The following CTH variants were observed in gnomAD, a reference collection of about 807,000 sequenced individuals.
The protein encoded by CTH is cystathionase (cystathionine gamma-lyase).
CTH carries 41 observed loss-of-function variants against 50.6 expected under a neutral mutation model. That is an observed-to-expected ratio of 0.81 (90% CI 0.63 to 1.05). The LOEUF (loss-of-function observed/expected upper bound fraction) is 1.05, where lower values mean the gene tolerates loss of function less well. Ranked by LOEUF, CTH falls within the 50% of genes least tolerant of loss-of-function variation. The pLI is 0.00. For synonymous variants in CTH, 156 were observed against 168.9 expected (o/e 0.92, Z 0.59); for missense variants, 470 against 492.6 (o/e 0.95, Z 0.43).
chr1:70,438,951 A>T, intron 11 of CTH, 125 bp downstream of exon 11: 1 of 1,586,104 alleles, frequency 6.3e-7, no homozygotes, highest in African/African-American at 1.3e-5. Context: ...CTGTTCCTGT[A>T]ATAGACCAGG....
rs367897197 is a variant in CTH, at chr1:70,439,094, A to G, written c.1192-7A>G. On this transcript the variant is annotated splice_polypyrimidine_tract_variant and splice_region_variant and intron_variant, in intron 11 of 11. Coordinates refer to ENST00000370938, the MANE Select transcript of CTH (RefSeq NM_001902.6). ...TAACATATTTTTCTTGTGCACTGTT[A>G]TTATAGCACCCTCCAAGTGGAAGTC... 2 of 1,611,580 alleles carry G rather than the reference A, an allele frequency of 1.2e-6. No individual in the cohort carries two copies. Among genetic ancestry groups the G allele is most frequent in the South Asian group, 1.1e-5 (1 of 91,042 alleles).
At chr1:70,436,663 C>G (rs1334930483) in intron 10 of CTH, among the ~76,000 whole-genome samples, 2 of 140,300 alleles carry the variant, frequency 1.4e-5, no homozygotes, top group Non-Finnish European at 3.2e-5. Context: ...GCAGTCTCAC[C>G]AAGTTAAAAA....
chr1:70,436,418 T>C lies in CTH; in HGVS notation c.1052+1241T>C, dbSNP rs779473482. Among the ~76,000 whole-genome samples, 111 of 152,194 alleles carry C rather than the reference T, an allele frequency of 7.3e-4. 2 individuals are homozygous for C. The highest frequency in any genetic ancestry group is 1.6e-4 in the Non-Finnish European group (11 of 68,034). On this transcript the variant is annotated intron_variant, in intron 10 of 11. Transcript: ENST00000370938. ...GCATTCCTGATATATATATTACCTT[T>C]ATTATATGCTACTATGACCATATGT...
intron 3 of CTH, among the ~76,000 whole-genome samples, chr1:70,420,903 T>C (rs1430188200): frequency 2.0e-5 from 3 of 152,154 alleles, no homozygotes; most frequent in Non-Finnish European, 4.4e-5. Flanking sequence ...CCATCAAAAG[T>C]CTAGTTTCTC....
chr1:70,414,689 C>A (rs1684048778), intron 1 of CTH, among the ~76,000 whole-genome samples: 1 of 152,174 alleles, frequency 6.6e-6, no homozygotes, highest in Admixed American at 6.5e-5. Flanking sequence ...CCTTGGTTCA[C>A]AATCCGGTTT....
In CTH at chr1:70,433,846, A is replaced by G. The variant is rs1441977263; in HGVS notation, c.896A>G (p.Gln299Arg). ...VIYPGLPSHP[Q>R]HELVKRQCTG... ...ATTACAGGGCTGCCCTCTCATCCAC[A>G]GCATGAGTTGGTGAAGCGTCAGTGT... The change falls in exon 9 of 12, where the codon CAG becomes CGG. Residue 299 changes from glutamine to arginine, a missense_variant. By Grantham distance (43) the Gln-to-Arg change is conservative. Transcript: ENST00000370938. 6.2e-7 allele frequency: 1 copy of G among 1,613,966 alleles called. No homozygotes were observed. The highest frequency in any genetic ancestry group is 2.2e-5 in the East Asian group (1 of 44,884).
chr1:70,421,470 G>A, intron 3 of CTH, 96 bp from the exon 4 acceptor site: 1 of 1,293,766 alleles, frequency 7.7e-7, no homozygotes, highest in South Asian at 1.2e-5. Context: ...TGGTGACTGA[G>A]AGTTCCATAT....
chr1:70,418,390 C>A (rs930872791), intron 3 of CTH, among the ~76,000 whole-genome samples: 3 of 152,106 alleles, frequency 2.0e-5, no homozygotes, highest in Admixed American at 1.3e-4. Context: ...GCTGGGACCC[C>A]AGGCGCATGC....
rs528285133 is a variant in CTH, at chr1:70,412,644, C to A, written c.168+1061C>A. ...AGAACACAAATCTTATAGTCAAAGG[C>A]TAGGTTTGCATTCTGACACCACTTC... On this transcript the variant is annotated intron_variant, in intron 1 of 11. Transcript: ENST00000370938. Among the ~76,000 whole-genome samples the A allele has an allele frequency of 1.3e-4, 20 of 152,190 alleles. No homozygotes were observed. The East Asian group carries it at 3.5e-3, about 26-fold the overall frequency.
At chr1:70,421,719 T>C (rs938072821) in intron 4 of CTH, 44 bp downstream of exon 4, 4 of 1,580,560 alleles carry the variant, frequency 2.5e-6, no homozygotes, top group Non-Finnish European at 3.5e-6. Flanking sequence ...TCCTTCGATG[T>C]TTTGTTTTCA....
At chr1:70,422,512 A>G (rs1437489899) in intron 4 of CTH, among the ~76,000 whole-genome samples, 5 of 152,208 alleles carry the variant, frequency 3.3e-5, no homozygotes, top group African/African-American at 1.2e-4. Flanking sequence ...TTGCACATTA[A>G]CATGGTTGAG....
intron 7 of CTH, chr1:70,430,950 G>A (rs148278621): frequency 0.076 from 11,634 of 152,142 alleles, 523 homozygotes; most frequent in East Asian, 0.18. Context: ...GCTGAGGCAG[G>A]TGGATCACTT....
chr1:70,421,814 A>G (rs112379523), intron 4 of CTH, 139 bp downstream of exon 4: 1 of 846,346 alleles, frequency 1.2e-6, no homozygotes, highest in Non-Finnish European at 1.9e-6. Context: ...AAATTAAGAT[A>G]GACTGTCATC....
intron 6 of CTH, 41 bp from the exon 7 acceptor site, chr1:70,430,276 T>A: frequency 9.1e-7 from 1 of 1,098,152 alleles, no homozygotes. Flanking sequence ...AAATTGTTTC[T>A]AACTGAAATT....
intron 4 of CTH, 90 bp downstream of exon 4, chr1:70,421,765 A>C (rs1684227524): frequency 7.6e-7 from 1 of 1,322,066 alleles, no homozygotes; most frequent in African/African-American, 1.5e-5. Flanking sequence ...ATTTAATGTG[A>C]ATAACAAATT....
chr1:70,418,225 C>A (rs1684136169), intron 3 of CTH, among the ~76,000 whole-genome samples, 193 bp downstream of exon 3: 1 of 152,114 alleles, frequency 6.6e-6, no homozygotes, highest in Non-Finnish European at 1.5e-5. Flanking sequence ...TGTTCTGGAA[C>A]TGCTTATAAG....
In CTH at chr1:70,424,360, A is replaced by G; in HGVS notation, c.532A>G (p.Lys178Glu). 1.2e-6 allele frequency: 2 copies of G among 1,614,164 alleles called. No individual in the cohort carries two copies. The highest frequency in any genetic ancestry group is 1.7e-6 in the Non-Finnish European group (2 of 1,180,008). The change falls in exon 5 of 12, where the codon AAG (lysine) becomes GAG (glutamate). Residue 178 changes from lysine to glutamate, a missense_variant. Coordinates refer to ENST00000370938, the MANE Select transcript of CTH (RefSeq NM_001902.6). ...TGAAGGCTGTGCACATATTGTCCAT[A>G]AGCATGGAGACATTATTTTGGTCGT... ...DIEGCAHIVHKHGDIILVVDN... is the reference protein window; with the variant it reads ...DIEGCAHIVHEHGDIILVVDN...
At chr1:70,436,441 T>C (rs1158692326) in intron 10 of CTH, among the ~76,000 whole-genome samples, 2 of 152,196 alleles carry the variant, frequency 1.3e-5, no homozygotes, top group Non-Finnish European at 2.9e-5. Context: ...TATGACCATA[T>C]GTTGTAATTA....
At chr1:70,418,351 A>G (rs867920356) in intron 3 of CTH, among the ~76,000 whole-genome samples, 5 of 151,994 alleles carry the variant, frequency 3.3e-5, no homozygotes, top group Non-Finnish European at 7.4e-5. Flanking sequence ...CTGGGTTCAA[A>G]TGGTTCTCAT....
Sources: allele counts gnomAD v4.1 joint callset (sites outside exome capture counted in the v4.1 genomes callset), GRCh38; gene constraint gnomAD v4.1.1; transcripts MANE v1.5; gene names NCBI Gene and HGNC (gene_info 2026-07-23, HGNC 2026-07-21).